The following AIFM3 variants were observed in gnomAD, a reference collection of about 807,000 sequenced individuals.
AIFM3 encodes AIF family member 3, also known as apoptosis-inducing factor 3.
Under a neutral mutation model 82.7 loss-of-function variants are expected in AIFM3, and 71 were observed. The ratio of observed to expected loss-of-function variants is 0.86; its 90% CI spans 0.71 to 1.05. The LOEUF is 1.05. AIFM3 is among the 50% of genes least tolerant of loss of function. AIFM3 has a pLI of 0.00. For missense variants in AIFM3, 748 were observed against 816.7 expected (o/e 0.92, Z 1.03); for synonymous variants, 337 against 329.1 (o/e 1.02, Z -0.26).
rs1923008549 is a variant in AIFM3 at position 20,967,927 on chromosome 22, A to C, written c.-18A>C. The C allele has an allele frequency of 6.2e-7, 1 of 1,614,058 alleles. No individual in the cohort carries two copies. The highest frequency in any genetic ancestry group is 2.2e-5 in the East Asian group (1 of 44,878). On this transcript the variant is annotated 5_prime_UTR_variant, in exon 2 of 21. Coordinates refer to ENST00000440238, the MANE Select transcript of AIFM3 (RefSeq NM_001386814.1). ...CCATCTGTGCTCCTGCCTGCCGGCC[A>C]TCCTCAGGCCACTCGCCATGGGCGG...
At chr22:20,979,769 C>T (rs1923964574) in intron 18 of AIFM3, 67 bp downstream of exon 18, 5 of 1,579,840 alleles carry the variant, frequency 3.2e-6, no homozygotes, top group South Asian at 2.2e-5. Flanking sequence ...GGATTCATCC[C>T]AGGCAAAATC....
chr22:20,974,413 A>T, intron 6 of AIFM3, 112 bp from the exon 7 acceptor site: 2 of 1,558,794 alleles, frequency 1.3e-6, no homozygotes, highest in Admixed American at 3.9e-5. Context: ...TCACTGGAGC[A>T]GAGTGAGGGG....
At position 20,976,502 on chromosome 22, in the gene AIFM3, G is replaced by A; in HGVS notation, c.994G>A (p.Gly332Ser). ...DANRVVRLAR[G>S]RNVVVVGAGF... is the part of the protein sequence containing the mutation. ...CAATCGCGTGGTGAGGCTGGCCCGA[G>A]GCCGCAACGTGGTCGTCGTGGGAGC... is the stretch of plus-strand genomic sequence containing the variant. The change falls in exon 11 of 21, where the codon GGC (glycine) becomes AGC (serine). Residue 332 changes from glycine (G) to serine (S), a missense_variant. Around this residue, in one of 5 missense-constraint regions of AIFM3, gnomAD observed 393 missense variants for 481.1 expected, o/e 0.82. Transcript: ENST00000440238. 3.7e-6 allele frequency: 6 copies of A among 1,613,872 alleles called. No individual in the cohort carries two copies. The highest frequency in any genetic ancestry group is 5.1e-6 in the Non-Finnish European group (6 of 1,180,028).
chr22:20,972,537 C>T (rs1358393989), intron 2 of AIFM3, among the ~76,000 whole-genome samples: 1 of 152,076 alleles, frequency 6.6e-6, no homozygotes, highest in Non-Finnish European at 1.5e-5. Flanking sequence ...CTTCCTGTCA[C>T]CCAGATTCAC....
chr22:20,978,599 C>T (rs1923851682), intron 16 of AIFM3, among the ~76,000 whole-genome samples: 1 of 152,036 alleles, frequency 6.6e-6, no homozygotes, highest in Non-Finnish European at 1.5e-5. Flanking sequence ...GACTGCCAGA[C>T]TCCCAGCCTG....
Position 20,976,917 on chromosome 22 carries a change from G to A in AIFM3, c.1197G>A (p.Glu399=), listed in dbSNP as rs1255003787. ...TCTACATGCAGACGGAGGTGTCTGA[G>A]CTGCGGGGCCAGGAGGGAAAGGTGG... ...VKFYMQTEVS[E]LRGQEGKLKE... is the part of the protein sequence containing the mutation. Residue 399 remains glutamate (E), a synonymous_variant, in exon 13 of 21, where the codon GAG becomes GAA. Coordinates refer to ENST00000440238, the MANE Select transcript of AIFM3 (RefSeq NM_001386814.1). The A allele has an allele frequency of 1.2e-6, 2 of 1,610,708 alleles. No individual in the cohort carries two copies. Among genetic ancestry groups the A allele is most frequent in the Admixed American group, 1.7e-5 (1 of 59,922 alleles).
At position 20,967,928 on chromosome 22, in the gene AIFM3, T is replaced by C; in HGVS notation, c.-17T>C. ...CATCTGTGCTCCTGCCTGCCGGCCA[T>C]CCTCAGGCCACTCGCCATGGGCGGC... On this transcript the variant is annotated 5_prime_UTR_variant, in exon 2 of 21. Transcript: ENST00000440238. The C allele has an allele frequency of 6.2e-7, 1 of 1,614,080 alleles. No homozygotes were observed. Among genetic ancestry groups the C allele is most frequent in the Admixed American group, 1.7e-5 (1 of 60,016 alleles).
chr22:20,973,572 G>A lies in AIFM3; in HGVS notation c.245+52G>A. 1.9e-6 allele frequency: 3 copies of A among 1,560,052 alleles called. 1 individual carries two copies. The highest frequency in any genetic ancestry group is 8.7e-7 in the Non-Finnish European group (1 of 1,149,532). ...GGGATCAGGGGTCCCAAGGTGGGAG[G>A]GTGAGGGGGCCATAGCCGGGGGTCG... On this transcript the variant is annotated intron_variant, in intron 3 of 20. Transcript: ENST00000440238.
Position 20,977,086 on chromosome 22 carries a change from G to T in AIFM3, c.1273G>T (p.Val425Leu). The change falls in exon 14 of 21, where the codon GTG (valine) becomes TTG (leucine). Residue 425 changes from valine to leucine, a missense_variant. By Grantham distance (32) the Val-to-Leu change is conservative. This residue lies in a region of AIFM3 where 393 missense variants were observed against 481.1 expected (regional missense o/e 0.82). Transcript: ENST00000440238. ...SKVVRADVCV[V>L]GIGAVPATGF... ...GGTCGTGCGGGCTGACGTCTGCGTG[G>T]TGGGCATTGGTGAGTTGGTGTGTGG... The T allele has an allele frequency of 2.5e-6, 4 of 1,614,106 alleles. No homozygotes were observed. The highest frequency in any genetic ancestry group is 3.4e-6 in the Non-Finnish European group (4 of 1,180,030).
At chr22:20,971,613 G>C (rs1923272417) in intron 2 of AIFM3, among the ~76,000 whole-genome samples, 1 of 152,164 alleles carries the variant, frequency 6.6e-6, no homozygotes, top group African/African-American at 2.4e-5. Flanking sequence ...CTGGGTTCTT[G>C]GTTTCTGGAG....
chr22:20,977,998 T>A lies in AIFM3; in HGVS notation c.1470T>A (p.His490Gln), dbSNP rs759270162. 1 of 1,614,104 alleles carries A rather than the reference T, an allele frequency of 6.2e-7. No individual in the cohort carries two copies. Among genetic ancestry groups the A allele is most frequent in the Admixed American group, 1.7e-5 (1 of 60,022 alleles). Residue 490 changes from histidine (H) to glutamine (Q), a missense_variant, in exon 16 of 21, where the codon CAT becomes CAA. By Grantham distance (24) the His-to-Gln change is conservative (BLOSUM62 0). This residue lies in a region of AIFM3 where 183 missense variants were observed against 158.2 expected (regional missense o/e 1.16). Coordinates refer to ENST00000440238, the MANE Select transcript of AIFM3 (RefSeq NM_001386814.1). ...ACATTCCACATTGGCAGATGGCTCATGCTCAGGGTATGGCCAGTCCCGAGG... is the reference window on the plus strand; with the variant it reads ...ACATTCCACATTGGCAGATGGCTCAAGCTCAGGGTATGGCCAGTCCCGAGG... ...KVNIPHWQMA[H>Q]AQGRVAAQNM...
intron 9 of AIFM3, 152 bp downstream of exon 9, chr22:20,975,930 A>C: frequency 1.1e-6 from 1 of 874,506 alleles, no homozygotes; most frequent in Admixed American, 2.3e-5. Flanking sequence ...GACAGCAAGG[A>C]GCTTTTTCCT....
intron 8 of AIFM3, 44 bp from the exon 9 acceptor site, chr22:20,975,648 T>C: frequency 1.2e-6 from 2 of 1,600,820 alleles, no homozygotes; most frequent in Non-Finnish European, 1.7e-6. Flanking sequence ...CCCCAGTGTC[T>C]TCTGCTGTAA....
At position 20,977,875 on chromosome 22, in the gene AIFM3, C is replaced by T; in HGVS notation, c.1360-13C>T. 4 of 1,614,044 alleles carry T rather than the reference C, an allele frequency of 2.5e-6. No homozygotes were observed. Among genetic ancestry groups the T allele is most frequent in the Non-Finnish European group, 3.4e-6 (4 of 1,179,968 alleles). ...CTGTCACACCCATGGAGCTCTGGGC[C>T]CTCTCTCTACAGATGATGCAGACCA... On this transcript the variant is annotated splice_polypyrimidine_tract_variant and intron_variant, in intron 15 of 20. Coordinates refer to ENST00000440238, the MANE Select transcript of AIFM3 (RefSeq NM_001386814.1).
At position 20,973,805 on chromosome 22, in the gene AIFM3, A is replaced by C. The variant is rs1222041341; in HGVS notation, c.293A>C (p.Asp98Ala). The change falls in exon 4 of 21, where the codon GAC (aspartate) becomes GCC (alanine). Residue 98 changes from aspartate (D) to alanine (A), a missense_variant. Around this residue, in one of 5 missense-constraint regions of AIFM3, gnomAD observed 148 missense variants for 134.1 expected, o/e 1.10. Coordinates refer to ENST00000440238, the MANE Select transcript of AIFM3 (RefSeq NM_001386814.1). ...LGWGKVLLVK[D>A]NGEFHALGHK... ...TGGGGGAAGGTGTTGCTGGTGAAGG[A>C]CAATGGGGAGTTCCACGCCCTGGGC... 1 of 1,583,836 alleles carries C rather than the reference A, an allele frequency of 6.3e-7. No homozygotes were observed. Among genetic ancestry groups the C allele is most frequent in the African/African-American group, 1.3e-5 (1 of 74,398 alleles).
At position 20,977,840 on chromosome 22, in the gene AIFM3, G is replaced by A. The variant is rs757696202; in HGVS notation, c.1360-48G>A. On this transcript the variant is annotated intron_variant, in intron 15 of 20. Coordinates refer to ENST00000440238, the MANE Select transcript of AIFM3 (RefSeq NM_001386814.1). ...GGGCTGGGAGTGGCAGGAGGTTCAG[G>A]TCAGGGCCCCTGTCACACCCATGGA... 6.2e-6 allele frequency: 10 copies of A among 1,613,902 alleles called. No homozygotes were observed. The South Asian group carries it at 7.7e-5, about 12-fold the overall frequency.
rs1923652727 is a variant in AIFM3, at chr22:20,976,296, C to T, written c.889C>T (p.Pro297Ser). The T allele has an allele frequency of 6.2e-7, 1 of 1,613,910 alleles. No individual in the cohort carries two copies. The highest frequency in any genetic ancestry group is 8.5e-7 in the Non-Finnish European group (1 of 1,180,028). Residue 297 changes from proline to serine, a missense_variant, in exon 10 of 21, where the codon CCA (proline) becomes TCA (serine). Transcript: ENST00000440238. ...GGAGTACAGCAAGCTGCTGCTGGCA[C>T]CAGGGAGCAGGTGGGAGGGTCTCCT... The part of the protein sequence containing the change: ...KLEYSKLLLA[P>S]GSSPKTLSCK...
Position 20,976,292 on chromosome 22 carries a change from G to A in AIFM3, c.885G>A (p.Leu295=), listed in dbSNP as rs1923652205. 2 of 1,613,928 alleles carry A rather than the reference G, an allele frequency of 1.2e-6. No individual in the cohort carries two copies. Among genetic ancestry groups the A allele is most frequent in the African/African-American group, 1.3e-5 (1 of 74,938 alleles). Reference sequence around the variant, plus strand: ...AGCTGGAGTACAGCAAGCTGCTGCTGGCACCAGGGAGCAGGTGGGAGGGTC... The same window carrying A: ...AGCTGGAGTACAGCAAGCTGCTGCTAGCACCAGGGAGCAGGTGGGAGGGTC... ...GFKLEYSKLL[L]APGSSPKTLS... is the part of the protein sequence containing the mutation. The change falls in exon 10 of 21, where the codon CTG becomes CTA. Residue 295 remains leucine (L), a synonymous_variant. Coordinates refer to ENST00000440238, the MANE Select transcript of AIFM3 (RefSeq NM_001386814.1).
intron 14 of AIFM3, 56 bp downstream of exon 14, chr22:20,977,151 C>G: frequency 1.2e-6 from 2 of 1,601,546 alleles, no homozygotes; most frequent in Non-Finnish European, 1.7e-6. Flanking sequence ...TGCACATGCT[C>G]ACATGTGACC....
Sources: allele counts gnomAD v4.1 joint callset (sites outside exome capture counted in the v4.1 genomes callset), GRCh38; gene constraint gnomAD v4.1.1; regional missense constraint gnomAD v4.1.1; transcripts MANE v1.5; gene names NCBI Gene and HGNC (gene_info 2026-07-23, HGNC 2026-07-21).